Variants in NYAP2 observed in about 807,000 individuals in gnomAD.
NYAP2 encodes neuronal tyrosine-phosphorylated phosphoinositide-3-kinase adapter 2.
Under a neutral mutation model 50.4 loss-of-function variants are expected in NYAP2, and 23 were observed. That is an observed-to-expected ratio of 0.46 (90% CI 0.33 to 0.65). The LOEUF is 0.65. Ranked by LOEUF, NYAP2 falls within the 30% of genes least tolerant of loss-of-function variation. The pLI is 0.02. For missense variants in NYAP2, 885 were observed against 861.0 expected (o/e 1.03, Z -0.35); for synonymous variants, 394 against 365.2 (o/e 1.08, Z -0.90).
At chr2:225,541,183 G>C (rs577509481) in intron 4 of NYAP2, among the ~76,000 whole-genome samples, 84 of 152,124 alleles carry the variant, frequency 5.5e-4, no homozygotes, top group Middle Eastern at 3.4e-3. Context: ...ATATATTCAG[G>C]TTTTAAATCC....
chr2:225,659,962 C>T, the NYAP2 span, among the ~76,000 whole-genome samples: 1 of 152,086 alleles, frequency 6.6e-6, no homozygotes, highest in Non-Finnish European at 1.5e-5. Flanking sequence ...ATTGGTCCAC[C>T]CCACTATCCC....
intron 4 of NYAP2, among the ~76,000 whole-genome samples, chr2:225,526,358 C>G (rs1691150672): frequency 6.6e-6 from 1 of 152,208 alleles, no homozygotes; most frequent in African/African-American, 2.4e-5. Flanking sequence ...AACCCTACTT[C>G]CCTTCCCCTG....
intron 4 of NYAP2, among the ~76,000 whole-genome samples, chr2:225,580,778 A>G (rs868520020): frequency 6.6e-6 from 1 of 151,530 alleles, no homozygotes; most frequent in African/African-American, 2.4e-5. Context: ...AAAAAAAAAA[A>G]GGAAGACTCA....
chr2:225,616,512 C>T (rs1405104044), intron 5 of NYAP2, among the ~76,000 whole-genome samples: 1 of 152,146 alleles, frequency 6.6e-6, no homozygotes, highest in African/African-American at 2.4e-5. Flanking sequence ...TTTTAAAATA[C>T]TCTGTGATAT....
intron 5 of NYAP2, among the ~76,000 whole-genome samples, chr2:225,617,684 T>A (rs967618699): frequency 1.3e-5 from 2 of 152,162 alleles, no homozygotes; most frequent in African/African-American, 4.8e-5. Context: ...TAATAACAAG[T>A]GGTAATTGTG....
the NYAP2 span, among the ~76,000 whole-genome samples, chr2:225,692,087 G>T: frequency 1.6e-4 from 25 of 152,158 alleles, no homozygotes; most frequent in East Asian, 4.5e-3. Context: ...TAATTCCAAG[G>T]TTAACAAGGC....
At chr2:225,452,170 A>T (rs926609504) in intron 3 of NYAP2, among the ~76,000 whole-genome samples, 1 of 152,204 alleles carries the variant, frequency 6.6e-6, no homozygotes, top group Non-Finnish European at 1.5e-5. Flanking sequence ...ACTTGGATTC[A>T]AATGCTATTT....
In NYAP2 at chr2:225,408,946, C is replaced by T. The variant is rs367848190; in HGVS notation, c.66C>T (p.Tyr22=). 6.1e-5 allele frequency: 98 copies of T among 1,611,838 alleles called. No individual in the cohort carries two copies. The African/African-American group carries it at 1.1e-3, about 19-fold the overall frequency. ...ACCCTTTGGACACATTTCTCCAGTA[C>T]ATTGAGGATATGGGGATGAAGGCCT... Residue 22 remains tyrosine (Y), a synonymous_variant, in exon 3 of 7, where the codon TAC becomes TAT. Coordinates refer to ENST00000636099, the Ensembl canonical transcript of NYAP2.
At chr2:225,668,152 C>G in the NYAP2 span, among the ~76,000 whole-genome samples, 1 of 152,180 alleles carries the variant, frequency 6.6e-6, no homozygotes, top group Admixed American at 6.5e-5. Flanking sequence ...ACAAATACTT[C>G]CCAACCTCAT....
intron 3 of NYAP2, among the ~76,000 whole-genome samples, chr2:225,511,787 A>G (rs897561617): frequency 2.6e-5 from 4 of 152,220 alleles, no homozygotes; most frequent in Non-Finnish European, 4.4e-5. Context: ...TGTTAAAATC[A>G]TAACAAACAT....
At chr2:225,689,940 T>C in the NYAP2 span, among the ~76,000 whole-genome samples, 4 of 152,118 alleles carry the variant, frequency 2.6e-5, no homozygotes, top group African/African-American at 9.7e-5. Flanking sequence ...CAAAGTGAGA[T>C]TGAAAGCCTA....
At chr2:225,467,733 C>A (rs1689943878) in intron 3 of NYAP2, among the ~76,000 whole-genome samples, 1 of 152,172 alleles carries the variant, frequency 6.6e-6, no homozygotes, top group Non-Finnish European at 1.5e-5. Flanking sequence ...AAAATAATGT[C>A]TTTCACACTT....
intron 5 of NYAP2, among the ~76,000 whole-genome samples, chr2:225,591,265 G>A (rs748779960): frequency 3.3e-5 from 5 of 152,172 alleles, no homozygotes; most frequent in Non-Finnish European, 5.9e-5. Context: ...CTGGGAGGAT[G>A]GAATGAGAGC....
At chr2:225,525,441 A>T (rs2106193733) in intron 4 of NYAP2, among the ~76,000 whole-genome samples, 1 of 152,340 alleles carries the variant, frequency 6.6e-6, no homozygotes, top group Non-Finnish European at 1.5e-5. Context: ...AATACTACAT[A>T]GCCATAACAA....
At chr2:225,463,216 G>A (rs1689862064) in intron 3 of NYAP2, among the ~76,000 whole-genome samples, 1 of 152,248 alleles carries the variant, frequency 6.6e-6, no homozygotes, top group Admixed American at 6.5e-5. Flanking sequence ...GTCATAACAG[G>A]GTGAAAACCT....
At chr2:225,576,682 C>A (rs184599309) in intron 4 of NYAP2, among the ~76,000 whole-genome samples, 1 of 152,220 alleles carries the variant, frequency 6.6e-6, no homozygotes, top group Non-Finnish European at 1.5e-5. Flanking sequence ...AGTTATAGTG[C>A]TGCTATGGAA....
chr2:225,403,493 C>A (rs1694895030), intron 2 of NYAP2, among the ~76,000 whole-genome samples: 2 of 151,858 alleles, frequency 1.3e-5, no homozygotes, highest in South Asian at 4.1e-4. Flanking sequence ...ATAAGATTAT[C>A]TTGTAGGATT....
At chr2:225,518,643 A>T (rs1690986440) in intron 4 of NYAP2, among the ~76,000 whole-genome samples, 1 of 139,080 alleles carries the variant, frequency 7.2e-6, no homozygotes, top group Non-Finnish European at 1.5e-5. Flanking sequence ...TAAATAAATT[A>T]GCTCAATTTA....
chr2:225,609,129 G>T (rs1692838032), intron 5 of NYAP2, among the ~76,000 whole-genome samples: 1 of 151,990 alleles, frequency 6.6e-6, no homozygotes, highest in Admixed American at 6.6e-5. Context: ...CTACTAGATT[G>T]CAAACCTACT....
Sources: allele counts gnomAD v4.1 joint callset (sites outside exome capture counted in the v4.1 genomes callset), GRCh38; gene constraint gnomAD v4.1.1; transcripts MANE v1.5; gene names NCBI Gene and HGNC (gene_info 2026-07-23, HGNC 2026-07-21).